The following KDM5B variants were observed in gnomAD, a reference collection of about 807,000 sequenced individuals.
The protein encoded by KDM5B is lysine-specific demethylase 5B.
A neutral mutation model predicts 193.4 loss-of-function variants in KDM5B; 144 were observed. The ratio of observed to expected loss-of-function variants is 0.74; its 90% CI spans 0.65 to 0.86. The LOEUF (loss-of-function observed/expected upper bound fraction) is 0.86, where lower values mean the gene tolerates loss of function less well. KDM5B is among the 40% of genes least tolerant of loss of function. The pLI, the probability that KDM5B is intolerant of heterozygous loss-of-function variation, is 0.00. For synonymous variants in KDM5B, 668 were observed against 682.6 expected (o/e 0.98, Z 0.33); for missense variants, 1,833 against 1,886.9 (o/e 0.97, Z 0.53).
At chr1:202,800,062 T>G (rs1047780583) in intron 1 of KDM5B, among the ~76,000 whole-genome samples, 9 of 152,250 alleles carry the variant, frequency 5.9e-5, no homozygotes, top group Non-Finnish European at 8.8e-5. Context: ...TTTTGTTTTT[T>G]GAGACGGAGT....
At chr1:202,776,961 T>C in intron 2 of KDM5B, 56 bp downstream of exon 2, 1 of 1,108,562 alleles carries the variant, frequency 9.0e-7, no homozygotes, top group South Asian at 1.3e-5. Context: ...ATCGTAATAA[T>C]TTCAAAGACG....
At chr1:202,778,957 T>C (rs1021011197) in intron 1 of KDM5B, among the ~76,000 whole-genome samples, 1 of 152,076 alleles carries the variant, frequency 6.6e-6, no homozygotes, top group Non-Finnish European at 1.5e-5. Flanking sequence ...AGATTTTCCC[T>C]ATATATGTTA....
At chr1:202,755,922 T>G (rs1655989970) in intron 10 of KDM5B, among the ~76,000 whole-genome samples, 1 of 151,330 alleles carries the variant, frequency 6.6e-6, no homozygotes, top group Non-Finnish European at 1.5e-5. Flanking sequence ...CATCAGTCTG[T>G]ATACATATAA....
chr1:202,801,795 C>G (rs1288519251), intron 1 of KDM5B, among the ~76,000 whole-genome samples: 1 of 152,136 alleles, frequency 6.6e-6, no homozygotes, highest in African/African-American at 2.4e-5. Context: ...ATTAGTATCT[C>G]AAACTTTAAA....
chr1:202,749,065 C>G lies in KDM5B; in HGVS notation c.1896G>C (p.Met632Ile), dbSNP rs1235282597. 1.9e-6 allele frequency: 3 copies of G among 1,614,004 alleles called. No individual in the cohort carries two copies. Among genetic ancestry groups the G allele is most frequent in the Non-Finnish European group, 2.5e-6 (3 of 1,179,998 alleles). The change falls in exon 14 of 27, where the codon ATG becomes ATC. Residue 632 changes from methionine (M) to isoleucine (I), a missense_variant. Coordinates refer to ENST00000367265, the MANE Select transcript of KDM5B (RefSeq NM_006618.5). ...HRYCVFSHDE[M>I]ICKMASKADV... ...CAGCCTTGGAAGCCATCTTGCAGAT[C>G]ATCTCATCGTGGGAAAACACACAAT... is the stretch of plus-strand genomic sequence containing the variant.
intron 1 of KDM5B, among the ~76,000 whole-genome samples, chr1:202,785,763 A>G (rs1657384714): frequency 1.3e-5 from 2 of 152,068 alleles, no homozygotes; most frequent in South Asian, 4.1e-4. Context: ...TACAAAAGTT[A>G]GCTCGGTGTG....
chr1:202,795,552 T>C (rs1469934214), intron 1 of KDM5B, among the ~76,000 whole-genome samples: 2 of 151,802 alleles, frequency 1.3e-5, no homozygotes, highest in Non-Finnish European at 2.9e-5. Context: ...CTCAGGAGGC[T>C]GAGGCAGGAG....
At position 202,741,254 on chromosome 1, in the gene KDM5B, T is replaced by C. The variant is rs1046569140; in HGVS notation, c.2945+113A>G. ...CAGCTATTTCTACATGTCTTCCACA[T>C]GCATAATAACCGCAGCTACTGAGCA... On this transcript the variant is annotated intron_variant, in intron 19 of 26. Coordinates refer to ENST00000367265, the MANE Select transcript of KDM5B (RefSeq NM_006618.5). The C allele has an allele frequency of 5.9e-5, 37 of 625,220 alleles. No individual in the cohort carries two copies. In the African/African-American group the frequency reaches 6.3e-4, roughly 11 times the overall value. The allele number at this position is 625,220 out of a possible 1,614,324, so 38.7% of individuals were successfully genotyped here.
At chr1:202,763,851 C>G (rs1324026320) in intron 6 of KDM5B, among the ~76,000 whole-genome samples, 198 bp downstream of exon 6, 2 of 152,212 alleles carry the variant, frequency 1.3e-5, no homozygotes, top group African/African-American at 4.8e-5. Context: ...TCCCACTAGT[C>G]AGTTAATTAT....
intron 26 of KDM5B, 50 bp from the exon 27 acceptor site, chr1:202,729,223 C>T: frequency 3.7e-6 from 6 of 1,607,328 alleles, no homozygotes; most frequent in South Asian, 1.1e-5. Flanking sequence ...AAAATGGATT[C>T]AAAATTGGGC....
At position 202,778,174 on chromosome 1, in the gene KDM5B, C is replaced by CA. The variant is rs1013814145; in HGVS notation, c.205-1081dup. Reference sequence around the variant, plus strand: ...TGGGCAACAGAGCAAGACTTCACCTCAAAAAAAAAAAAATTTGTCCTTAAT... The same window carrying CA: ...TGGGCAACAGAGCAAGACTTCACCTCAAAAAAAAAAAAAATTTGTCCTTAAT... On this transcript the variant is annotated intron_variant, in intron 1 of 26. Transcript: ENST00000367265. Among the ~76,000 whole-genome samples, 872 of 140,140 alleles carry CA rather than the reference C, an allele frequency of 6.2e-3. 10 individuals carry two copies. Among genetic ancestry groups the CA allele is most frequent in the African/African-American group, 0.02 (749 of 38,312 alleles). 91.9% of individuals were successfully genotyped at this position (140,140 alleles called of 152,430 possible). A position where few individuals can be genotyped will look rare whatever the true frequency, so the allele number is the denominator to read the frequency against.
chr1:202,789,820 A>G (rs1156230376), intron 1 of KDM5B, among the ~76,000 whole-genome samples: 3 of 152,040 alleles, frequency 2.0e-5, no homozygotes, highest in African/African-American at 7.2e-5. Context: ...ACAAAATGTT[A>G]AAACATTATC....
chr1:202,790,873 C>T (rs1032394185), intron 1 of KDM5B, among the ~76,000 whole-genome samples: 4 of 152,108 alleles, frequency 2.6e-5, no homozygotes, highest in African/African-American at 9.7e-5. Flanking sequence ...CTGACAGTGC[C>T]TTGATCTTAG....
Position 202,777,569 on chromosome 1 carries a change from T to A in KDM5B, c.205-475A>T, listed in dbSNP as rs1657012251. Among the ~76,000 whole-genome samples, 3 of 151,996 alleles carry A rather than the reference T, an allele frequency of 2.0e-5. No individual in the cohort carries two copies. In the South Asian group the frequency reaches 6.2e-4, roughly 31 times the overall value. ...AGTGCAGTGGTGTGATCACAGCTGG[T>A]GGAAACCTCTGCCTCCTGAGCTCAA... On this transcript the variant is annotated intron_variant, in intron 1 of 26. Coordinates refer to ENST00000367265, the MANE Select transcript of KDM5B (RefSeq NM_006618.5).
rs181541431 is a variant in KDM5B, at chr1:202,774,846, T to A, written c.283-111A>T. 1.7e-3 allele frequency: 1,426 copies of A among 831,850 alleles called. 10 individuals carry two copies. Among genetic ancestry groups the A allele is most frequent in the East Asian group, 9.5e-3 (311 of 32,604 alleles). The allele number at this position is 831,850 out of a possible 1,614,324, so 51.5% of individuals were successfully genotyped here. A position where few individuals can be genotyped will look rare whatever the true frequency, so the allele number is the denominator to read the frequency against. ...TTAAGTACAATACCACTTAAAAAAA[T>A]TTTTTTTTAATTTAATGCTCTTTCA... On this transcript the variant is annotated intron_variant, in intron 2 of 26. Coordinates refer to ENST00000367265, the MANE Select transcript of KDM5B (RefSeq NM_006618.5).
intron 23 of KDM5B, among the ~76,000 whole-genome samples, chr1:202,732,647 TATC>T (rs1654930835): frequency 6.6e-6 from 1 of 152,142 alleles, no homozygotes; most frequent in African/African-American, 2.4e-5. Context: ...GTCTTCATCT[TATC>T]AACAATTTAA....
In KDM5B at chr1:202,800,752, C is replaced by A. The variant is rs1307079598; in HGVS notation, c.204+7350G>T. On this transcript the variant is annotated intron_variant, in intron 1 of 26. Transcript: ENST00000367265. ...TAAGAAAAGAAAGTTCAGATAAAGTCTGGCCAATACAAAAATGAACAGATA... is the reference window on the plus strand; with the variant it reads ...TAAGAAAAGAAAGTTCAGATAAAGTATGGCCAATACAAAAATGAACAGATA... Among the ~76,000 whole-genome samples, 30 of 152,166 alleles carry A rather than the reference C, an allele frequency of 2.0e-4. 1 individual carries two copies. The highest frequency in any genetic ancestry group is 2.0e-3 in the Admixed American group (30 of 15,264).
chr1:202,756,338 CA>C lies in KDM5B; in HGVS notation c.1356+19del. 6.4e-7 allele frequency: 1 copy of C among 1,562,844 alleles called. No homozygotes were observed. Among genetic ancestry groups the C allele is most frequent in the Non-Finnish European group, 8.7e-7 (1 of 1,154,878 alleles). ...GAATTTCAATAAATACCTCAATTTC[CA>C]AGCCACTTATATGCCTACCTCTTCC... On this transcript the variant is annotated intron_variant, in intron 10 of 26. Transcript: ENST00000367265.
At chr1:202,753,178 C>T in intron 11 of KDM5B, 111 bp from the exon 12 acceptor site, 1 of 888,862 alleles carries the variant, frequency 1.1e-6, no homozygotes, top group South Asian at 1.7e-5. Flanking sequence ...AAAAAGGAAT[C>T]CACAAACTGA....
Sources: allele counts gnomAD v4.1 joint callset (sites outside exome capture counted in the v4.1 genomes callset), GRCh38; gene constraint gnomAD v4.1.1; transcripts MANE v1.5; gene names NCBI Gene and HGNC (gene_info 2026-07-23, HGNC 2026-07-21).